The following CELF4 variants were observed in gnomAD, a reference collection of about 807,000 sequenced individuals.
CELF4 encodes CUG-BP- and ETR-3-like factor 4.
CELF4 carries 18 observed loss-of-function variants against 59.9 expected under a neutral mutation model. The observed-to-expected ratio is 0.30, with a 90% CI of 0.21 to 0.45. The LOEUF (loss-of-function observed/expected upper bound fraction) is 0.45, where lower values mean the gene tolerates loss of function less well. CELF4 is among the 20% of genes least tolerant of loss of function. The probability of loss-of-function intolerance (pLI) is 1.00; values close to 1 mark genes in which losing one functional copy is unlikely to be tolerated. For missense variants in CELF4, 456 were observed against 689.0 expected (o/e 0.66, Z 3.79); for synonymous variants, 261 against 267.1 (o/e 0.98, Z 0.22).
chr18:37,294,843 T>C (rs2095547987), intron 3 of CELF4, among the ~76,000 whole-genome samples: 1 of 152,212 alleles, frequency 6.6e-6, no homozygotes. Context: ...CTTGTTTGGA[T>C]ATTAATTCTC....
chr18:37,369,425 T>G, intron 2 of CELF4, among the ~76,000 whole-genome samples: 1 of 152,170 alleles, frequency 6.6e-6, no homozygotes, highest in Admixed American at 6.5e-5. Flanking sequence ...GGGGACCAAA[T>G]GTCACCTTTG....
At chr18:37,414,567 T>A (rs551205930) in intron 2 of CELF4, among the ~76,000 whole-genome samples, 35 of 144,614 alleles carry the variant, frequency 2.4e-4, no homozygotes, top group Admixed American at 3.0e-4. Context: ...AGTGGCGCGA[T>A]CTCGGCTGCA....
intron 2 of CELF4, among the ~76,000 whole-genome samples, chr18:37,363,786 C>T (rs1015508564): frequency 5.3e-5 from 8 of 152,292 alleles, no homozygotes; most frequent in Admixed American, 2.6e-4. Flanking sequence ...AGTGCCTGGT[C>T]CCCTTTATGC....
At chr18:37,418,227 A>G (rs2154593307) in intron 2 of CELF4, among the ~76,000 whole-genome samples, 1 of 152,310 alleles carries the variant, frequency 6.6e-6, no homozygotes, top group South Asian at 2.1e-4. Context: ...TGAATACACA[A>G]ACCAGAGGTG....
At chr18:37,486,009 T>C (rs1177875735) in intron 1 of CELF4, 2 of 158,056 alleles carry the variant, frequency 1.3e-5, no homozygotes, top group Admixed American at 1.3e-4. Flanking sequence ...CACTTGACCA[T>C]GGGCTGTCTT....
At chr18:37,383,764 T>G (rs2099068385) in intron 2 of CELF4, among the ~76,000 whole-genome samples, 1 of 152,210 alleles carries the variant, frequency 6.6e-6, no homozygotes, top group African/African-American at 2.4e-5. Context: ...GGGTGCTGTG[T>G]CTTGTACAAG....
chr18:37,489,068 C>T (rs900246239), intron 1 of CELF4, among the ~76,000 whole-genome samples: 2 of 152,226 alleles, frequency 1.3e-5, no homozygotes, highest in African/African-American at 2.4e-5. Flanking sequence ...GGTGTTGAAG[C>T]CCCTTCCTTC....
chr18:37,433,593 G>A (rs2099678109), intron 2 of CELF4, among the ~76,000 whole-genome samples: 2 of 152,348 alleles, frequency 1.3e-5, no homozygotes, highest in South Asian at 2.1e-4. Flanking sequence ...TTATCTCAAA[G>A]TGCCAGGTCG....
chr18:37,500,537 CTT>C (rs10714673), intron 1 of CELF4, among the ~76,000 whole-genome samples: 125 of 98,918 alleles, frequency 1.3e-3, no homozygotes, highest in South Asian at 1.5e-3. Flanking sequence ...TTTTCTTTTT[CTT>C]TTTTTTTTTT....
chr18:37,450,194 G>T (rs1954662270), intron 2 of CELF4, among the ~76,000 whole-genome samples: 1 of 152,034 alleles, frequency 6.6e-6, no homozygotes, highest in Non-Finnish European at 1.5e-5. Flanking sequence ...GAGTACATGT[G>T]GGTATATTTT....
chr18:37,265,915 G>A (rs2077322967), intron 9 of CELF4, among the ~76,000 whole-genome samples: 1 of 152,144 alleles, frequency 6.6e-6, no homozygotes, highest in Admixed American at 6.5e-5. Flanking sequence ...GTGTAGTCCA[G>A]GGGTGACAGA....
In CELF4 at chr18:37,380,792, A is replaced by AATCCATCCATCCATCCATCCATCC. The variant is rs56181705; in HGVS notation, c.370-58935_370-58912dup. On this transcript the variant is annotated intron_variant, in intron 2 of 12. Transcript: ENST00000420428. The stretch of plus-strand genomic sequence containing the variant: ...CTCTCCTTCTATCCATTTCTCCATG[A>AATCCATCCATCCATCCATCCATCC]ATCCATCCATCCATCCATCCATCCA... 8.1e-4 allele frequency among the ~76,000 whole-genome samples: 109 copies of AATCCATCCATCCATCCATCCATCC among 134,892 alleles called. 1 individual carries two copies. Among genetic ancestry groups the AATCCATCCATCCATCCATCCATCC allele is most frequent in the South Asian group, 3.2e-3 (12 of 3,702 alleles). 88.5% of individuals were successfully genotyped at this position (134,892 alleles called of 152,430 possible). A position where few individuals can be genotyped will look rare whatever the true frequency, so the allele number is the denominator to read the frequency against.
intron 3 of CELF4, among the ~76,000 whole-genome samples, chr18:37,307,600 CT>C (rs1241171244): frequency 2.0e-5 from 3 of 151,926 alleles, no homozygotes; most frequent in Non-Finnish European, 2.9e-5. Flanking sequence ...TGCCTGTGGG[CT>C]GGGGGGTGGG....
chr18:37,395,365 C>T (rs1008905512), intron 2 of CELF4, among the ~76,000 whole-genome samples: 1 of 152,162 alleles, frequency 6.6e-6, no homozygotes, highest in African/African-American at 2.4e-5. Flanking sequence ...AGGCCAGACA[C>T]GTTCCCTCCT....
chr18:37,298,539 G>A (rs1034334729), intron 3 of CELF4, among the ~76,000 whole-genome samples: 2 of 152,008 alleles, frequency 1.3e-5, no homozygotes, highest in Non-Finnish European at 2.9e-5. Context: ...GGGCAACATG[G>A]CGAAACATGG....
intron 1 of CELF4, among the ~76,000 whole-genome samples, chr18:37,538,552 T>C (rs1455401401): frequency 6.6e-6 from 1 of 152,186 alleles, no homozygotes; most frequent in East Asian, 1.9e-4. Context: ...GAGCAGGCAC[T>C]CACTCAGCAA....
chr18:37,376,362 C>T (rs900442425), intron 2 of CELF4, among the ~76,000 whole-genome samples: 2 of 152,198 alleles, frequency 1.3e-5, no homozygotes, highest in Non-Finnish European at 2.9e-5. Flanking sequence ...CAAGCCCCTG[C>T]CTGGCTTGGT....
chr18:37,398,401 C>A (rs2154580555), intron 2 of CELF4, among the ~76,000 whole-genome samples: 1 of 152,316 alleles, frequency 6.6e-6, no homozygotes, highest in Non-Finnish European at 1.5e-5. Context: ...CCTTCGTGGA[C>A]TGTGCCTCAC....
chr18:37,323,698 A>G (rs565714645), intron 2 of CELF4, among the ~76,000 whole-genome samples: 1 of 152,290 alleles, frequency 6.6e-6, no homozygotes, highest in African/African-American at 2.4e-5. Context: ...TTAAGGACTG[A>G]CCTGGACCCA....
Sources: allele counts gnomAD v4.1 joint callset (sites outside exome capture counted in the v4.1 genomes callset), GRCh38; gene constraint gnomAD v4.1.1; transcripts MANE v1.5; gene names NCBI Gene and HGNC (gene_info 2026-07-23, HGNC 2026-07-21).